Variants in CD109 observed in about 807,000 individuals in gnomAD.
The protein encoded by CD109 is CD109 antigen.
A neutral mutation model predicts 165.8 loss-of-function variants in CD109; 149 were observed. The ratio of observed to expected loss-of-function variants is 0.90; its 90% CI spans 0.79 to 1.03. CD109 has a LOEUF of 1.03. CD109 is among the 50% of genes least tolerant of loss of function. The pLI, the probability that CD109 is intolerant of heterozygous loss-of-function variation, is 0.00. For synonymous variants in CD109, 585 were observed against 592.1 expected, an observed-to-expected ratio of 0.99 and a Z score of 0.18; for missense variants, 1,712 against 1,677.8, an observed-to-expected ratio of 1.02 and a Z score of -0.36.
intron 2 of CD109, among the ~76,000 whole-genome samples, chr6:73,702,431 G>A (rs1038815546): frequency 1.3e-5 from 2 of 152,198 alleles, no homozygotes; most frequent in Non-Finnish European, 2.9e-5. Context: ...ATTAATTAGT[G>A]TAGTGTGTGG....
At chr6:73,788,444 A>T (rs1258851581) in intron 21 of CD109, 24 bp from the exon 22 acceptor site, 1 of 1,603,960 alleles carries the variant, frequency 6.2e-7, no homozygotes, top group African/African-American at 1.3e-5. Flanking sequence ...AGACCATGTT[A>T]ATTGTGTTCA....
intron 2 of CD109, among the ~76,000 whole-genome samples, chr6:73,701,317 T>G (rs1354202352): frequency 3.9e-5 from 6 of 152,132 alleles, no homozygotes; most frequent in Non-Finnish European, 7.3e-5. Context: ...AATCTTATCT[T>G]CCTTTGCATA....
rs192397894 is a variant in CD109, at chr6:73,787,239, G to T, written c.2343G>T (p.Lys781Asn). ...GATTTATTTTTTTCTTTCAGGTTAA[G>T]GTAATCATTGAGAAAAGTGACAAAT... ...FNYLKDATEV[K>N]VIIEKSDKFD... The change falls in exon 21 of 33, where the codon AAG becomes AAT. Residue 781 changes from lysine (K) to asparagine (N), a missense_variant. By Grantham distance (94) the Lys-to-Asn change is moderately conservative. Transcript: ENST00000287097. 6.2e-7 allele frequency: 1 copy of T among 1,601,814 alleles called. No individual in the cohort carries two copies. Among genetic ancestry groups the T allele is most frequent in the Non-Finnish European group, 8.6e-7 (1 of 1,169,336 alleles).
Position 73,823,561 on chromosome 6 carries a change from C to T in CD109, c.4266C>T (p.Gly1422=), listed in dbSNP as rs1776175933. Residue 1422 remains glycine, a synonymous_variant, in exon 33 of 33, where the codon GGC becomes GGT. Transcript: ENST00000287097. ...GTCCTTGTGAGGATGGAGCTTCAGG[C>T]TCCCATCATCACTCTTCAGTCATTT... ...GCRPCEDGAS[G]SHHHSSVIFI... is the part of the protein sequence containing the mutation. 4 of 1,613,808 alleles carry T rather than the reference C, an allele frequency of 2.5e-6. No homozygotes were observed. The highest frequency in any genetic ancestry group is 3.4e-6 in the Non-Finnish European group (4 of 1,179,826).
rs1399730576 is a variant in CD109 at position 73,823,669 on chromosome 6, T to G, written c.*36T>G. The G allele has an allele frequency of 6.5e-7, 1 of 1,539,920 alleles. No individual in the cohort carries two copies. Among genetic ancestry groups the G allele is most frequent in the Admixed American group, 1.8e-5 (1 of 55,710 alleles). On this transcript the variant is annotated 3_prime_UTR_variant, in exon 33 of 33. Coordinates refer to ENST00000287097, the MANE Select transcript of CD109 (RefSeq NM_133493.5). The stretch of plus-strand genomic sequence containing the variant: ...AAGGACTCTGTGTAACACTAACATT[T>G]CCAGTAGTCACATGTGATTGTTTTG...
chr6:73,786,352 C>A (rs1296179789), intron 20 of CD109, among the ~76,000 whole-genome samples: 1 of 152,084 alleles, frequency 6.6e-6, no homozygotes, highest in Non-Finnish European at 1.5e-5. Flanking sequence ...ATGAAAATGA[C>A]ATGATATCTT....
chr6:73,783,667 C>A, intron 18 of CD109, 40 bp from the exon 19 acceptor site: 1 of 1,176,008 alleles, frequency 8.5e-7, no homozygotes, highest in South Asian at 1.2e-5. Flanking sequence ...TGTATCAGTT[C>A]TTGGTTTTGT....
intron 22 of CD109, among the ~76,000 whole-genome samples, chr6:73,791,176 T>TATATATATAC (rs1251422367): frequency 1.2e-4 from 3 of 24,150 alleles, no homozygotes; most frequent in Admixed American, 1.2e-3. Flanking sequence ...TATATATATA[T>TATATATATAC]ACACACACAC....
intron 26 of CD109, among the ~76,000 whole-genome samples, chr6:73,809,365 T>C (rs1322392770): frequency 6.6e-6 from 1 of 152,142 alleles, no homozygotes; most frequent in East Asian, 1.9e-4. Context: ...TGTCTTAAAA[T>C]ATTTTGGGGA....
the CD109 span, among the ~76,000 whole-genome samples, chr6:73,680,035 A>G: frequency 6.6e-6 from 1 of 152,186 alleles, no homozygotes; most frequent in Non-Finnish European, 1.5e-5. Context: ...TGTGGCTGAT[A>G]AAGGATTCAG....
intron 2 of CD109, among the ~76,000 whole-genome samples, chr6:73,700,938 A>G (rs1358975003): frequency 6.6e-6 from 1 of 150,840 alleles, no homozygotes; most frequent in Non-Finnish European, 1.5e-5. Flanking sequence ...AGTAACTGGG[A>G]CTACAGGCAT....
intron 19 of CD109, 146 bp downstream of exon 19, chr6:73,783,970 T>C (rs1323056552): frequency 1.8e-6 from 1 of 566,224 alleles, no homozygotes; most frequent in Non-Finnish European, 3.1e-6. Flanking sequence ...TTTTTATCTG[T>C]TTTATATTTA....
chr6:73,690,902 TC>T (rs899725618), upstream of CD109, among the ~76,000 whole-genome samples: 8 of 152,186 alleles, frequency 5.3e-5, no homozygotes, highest in African/African-American at 1.9e-4. Context: ...ATAATGCTTG[TC>T]TCTGGGTAGT....
chr6:73,789,707 G>A (rs1023528169), intron 22 of CD109, among the ~76,000 whole-genome samples: 23 of 150,300 alleles, frequency 1.5e-4, no homozygotes, highest in Non-Finnish European at 1.0e-4. Flanking sequence ...TGATCCACCC[G>A]CCTCGGCCTC....
chr6:73,776,929 C>T (rs1436044097), intron 15 of CD109, among the ~76,000 whole-genome samples: 2 of 150,998 alleles, frequency 1.3e-5, no homozygotes, highest in Non-Finnish European at 2.9e-5. Flanking sequence ...GATTGTAGGC[C>T]TCATGTATGC....
chr6:73,777,185 CTT>C (rs749269445), intron 15 of CD109, among the ~76,000 whole-genome samples: 2 of 151,886 alleles, frequency 1.3e-5, no homozygotes. Flanking sequence ...CTTGAAAACT[CTT>C]GATCTCAGGT....
At chr6:73,811,260 A>G in intron 28 of CD109, 113 bp downstream of exon 28, 2 of 1,245,934 alleles carry the variant, frequency 1.6e-6, no homozygotes, top group East Asian at 5.2e-5. Flanking sequence ...AGAGCTCTGT[A>G]GAGTAATAGG....
chr6:73,798,451 A>C (rs1775247358), intron 23 of CD109, among the ~76,000 whole-genome samples: 1 of 152,112 alleles, frequency 6.6e-6, no homozygotes, highest in Admixed American at 6.5e-5. Context: ...GGCCTGATAC[A>C]CTGGGACGAT....
intron 7 of CD109, among the ~76,000 whole-genome samples, chr6:73,762,026 G>A (rs1337900346): frequency 1.3e-5 from 2 of 151,756 alleles, no homozygotes; most frequent in Non-Finnish European, 2.9e-5. Context: ...GCAGTGATGC[G>A]ATCTCGGCTC....
Sources: gnomAD v4.1 joint callset for allele counts (sites outside exome capture counted in the v4.1 genomes callset) on GRCh38, gnomAD v4.1.1 for gene constraint, MANE v1.5 for transcripts, NCBI Gene and HGNC (gene_info 2026-07-23, HGNC 2026-07-21) for gene names.